TRAPPC6B: variants seen among roughly 807,000 people sequenced by gnomAD.
TRAPPC6B encodes trafficking protein particle complex subunit 6B, also known as TRAPP complex subunit 6B.
A neutral mutation model predicts 24.7 loss-of-function variants in TRAPPC6B; 27 were observed. That is an observed-to-expected ratio of 1.09 (90% confidence interval 0.81 to 1.51). TRAPPC6B has a LOEUF of 1.51. Among genes scored for constraint, TRAPPC6B ranks in the 40% most tolerant of loss-of-function variants. TRAPPC6B has a pLI of 0.00. For missense variants in TRAPPC6B, 212 were observed against 190.8 expected (o/e 1.11, Z -0.66); for synonymous variants, 80 against 66.6 (o/e 1.20, Z -0.98).
chr14:39,149,419 A>G lies in TRAPPC6B; in HGVS notation c.*931T>C, dbSNP rs964231923. ...TGCAAGATTCTAACAAAAGCTGGAG[A>G]TAACTGCTTATGCCAGATAATTTAA... On this transcript the variant is annotated 3_prime_UTR_variant, in exon 6 of 6. Coordinates refer to ENST00000330149, the MANE Select transcript of TRAPPC6B (RefSeq NM_001079537.2). 1 of 152,228 alleles carries G rather than the reference A, an allele frequency of 6.6e-6. No homozygotes were observed. The highest frequency in any genetic ancestry group is 1.5e-5 in the Non-Finnish European group (1 of 68,046). The allele number at this position is 152,228 out of a possible 1,614,324, so 9.4% of individuals were successfully genotyped here.
intron 3 of TRAPPC6B, chr14:39,157,148 C>A: frequency 4.2e-6 from 1 of 239,318 alleles, no homozygotes; most frequent in Non-Finnish European, 8.3e-6. Flanking sequence ...AGTGGTGAAT[C>A]CCCTGTTTGA....
intron 3 of TRAPPC6B, chr14:39,157,533 A>G: frequency 2.4e-6 from 1 of 412,336 alleles, no homozygotes; most frequent in South Asian, 1.8e-5. Flanking sequence ...TGGTGACTGC[A>G]CACTATGTGG....
chr14:39,168,993 T>C (rs755281367), intron 1 of TRAPPC6B, among the ~76,000 whole-genome samples: 1 of 152,214 alleles, frequency 6.6e-6, no homozygotes, highest in Non-Finnish European at 1.5e-5. Context: ...TCAATTCTTC[T>C]CACTCTCTAT....
At chr14:39,165,202 C>A (rs544092625) in intron 1 of TRAPPC6B, among the ~76,000 whole-genome samples, 1 of 152,180 alleles carries the variant, frequency 6.6e-6, no homozygotes, top group Admixed American at 6.5e-5. Context: ...ACCGCCACCA[C>A]GCCCGGCTAA....
chr14:39,170,207 T>G lies in TRAPPC6B; in HGVS notation c.-112A>C. On this transcript the variant is annotated 5_prime_UTR_variant, in exon 1 of 6. The change abolishes an upstream ATG in the 5' untranslated region. Transcript: ENST00000330149. ...GCGCCGCGGCTCCGTCAGGCCGCCA[T>G]TCTATCCCTGTGGCTAAGAGACCGA... 1.0e-6 allele frequency: 1 copy of G among 986,702 alleles called. No homozygotes were observed. The highest frequency in any genetic ancestry group is 2.4e-5 in the East Asian group (1 of 41,324). 61.1% of individuals were successfully genotyped at this position (986,702 alleles called of 1,614,324 possible).
chr14:39,160,908 T>C (rs2053050435), intron 1 of TRAPPC6B, among the ~76,000 whole-genome samples: 1 of 152,160 alleles, frequency 6.6e-6, no homozygotes, highest in Non-Finnish European at 1.5e-5. Flanking sequence ...TAACACGTAG[T>C]AGAATGAGGA....
At chr14:39,166,091 C>T (rs556200042) in intron 1 of TRAPPC6B, among the ~76,000 whole-genome samples, 27 of 151,970 alleles carry the variant, frequency 1.8e-4, no homozygotes, top group African/African-American at 5.5e-4. Flanking sequence ...CCTGAGCCAC[C>T]GTGTCCAGCC....
In TRAPPC6B at chr14:39,148,208, C is replaced by T. The variant is rs1318225825; in HGVS notation, c.*2142G>A. On this transcript the variant is annotated 3_prime_UTR_variant, in exon 6 of 6. Transcript: ENST00000330149. ...CAAACATCCATATCACATATCTTCA[C>T]TGAGAAGCAGAAGAGGGATGCTGGC... The T allele has an allele frequency of 6.5e-6, 1 of 153,734 alleles. No homozygotes were observed. Among genetic ancestry groups the T allele is most frequent in the Non-Finnish European group, 1.4e-5 (1 of 69,162 alleles). The allele number at this position is 153,734 out of a possible 1,614,324, so 9.5% of individuals were successfully genotyped here. A position where few individuals can be genotyped will look rare whatever the true frequency, so the allele number is the denominator to read the frequency against.
chr14:39,170,052 A>G lies in TRAPPC6B; in HGVS notation c.44T>C (p.Val15Ala), dbSNP rs1315525049. The change falls in exon 1 of 6, where the codon GTG becomes GCG. Residue 15 changes from valine to alanine, a missense_variant. Transcript: ENST00000330149. ...ALFLLLHNEM[V>A]SGVYKSAEQG... is the part of the protein sequence containing the mutation. Reference sequence around the variant, plus strand: ...CTCCGCGGACTTGTACACTCCAGACACCATCTCGTTATGGAGAAGCAAAAA... The same window carrying G: ...CTCCGCGGACTTGTACACTCCAGACGCCATCTCGTTATGGAGAAGCAAAAA... The G allele has an allele frequency of 1.2e-6, 2 of 1,613,996 alleles. No individual in the cohort carries two copies. The highest frequency in any genetic ancestry group is 1.3e-5 in the African/African-American group (1 of 74,900).
intron 1 of TRAPPC6B, 127 bp downstream of exon 1, chr14:39,169,888 G>C: frequency 1.2e-6 from 1 of 802,868 alleles, no homozygotes; most frequent in Non-Finnish European, 2.1e-6. Context: ...GACACCTGGA[G>C]GTGGACCATT....
chr14:39,163,035 G>A lies in TRAPPC6B; in HGVS notation c.82-3485C>T, dbSNP rs559682316. ...CCCATTTTAACCATCTTCTTTAAAA[G>A]TGCAACATCATACCCCTTTGGCAAC... On this transcript the variant is annotated intron_variant, in intron 1 of 5. Coordinates refer to ENST00000330149, the MANE Select transcript of TRAPPC6B (RefSeq NM_001079537.2). Among the ~76,000 whole-genome samples, 38 of 150,598 alleles carry A rather than the reference G, an allele frequency of 2.5e-4. 3 individuals are homozygous for A. Among genetic ancestry groups the A allele is most frequent in the African/African-American group, 8.7e-4 (35 of 40,032 alleles).
chr14:39,163,719 T>A lies in TRAPPC6B; in HGVS notation c.82-4169A>T, dbSNP rs184171576. 4.6e-5 allele frequency among the ~76,000 whole-genome samples: 7 copies of A among 151,180 alleles called. No homozygotes were observed. The East Asian group carries it at 7.7e-4, about 17-fold the overall frequency. Reference sequence around the variant, plus strand: ...CTAAGGAAACCATAGGGCTTATTATTTGCTAAACTTTCTTCTAAGGAACCA... The same window carrying A: ...CTAAGGAAACCATAGGGCTTATTATATGCTAAACTTTCTTCTAAGGAACCA... On this transcript the variant is annotated intron_variant, in intron 1 of 5. Transcript: ENST00000330149.
chr14:39,167,883 A>G (rs7145978), intron 1 of TRAPPC6B, among the ~76,000 whole-genome samples: 44,062 of 151,390 alleles, frequency 0.29, 7,524 homozygotes, highest in Non-Finnish European at 0.38. Flanking sequence ...AAAAAAAAAG[A>G]TATTTTAAAA....
chr14:39,148,416 C>T lies in TRAPPC6B; in HGVS notation c.*1934G>A, dbSNP rs1368947490. On this transcript the variant is annotated 3_prime_UTR_variant, in exon 6 of 6. Transcript: ENST00000330149. ...GCTAGGGAAGCACCCTATTCTATAG[C>T]ACAAGGCAGCCATACAGAGTTTTAG... 2 of 344,954 alleles carry T rather than the reference C, an allele frequency of 5.8e-6. No individual in the cohort carries two copies. Among genetic ancestry groups the T allele is most frequent in the Admixed American group, 4.8e-5 (1 of 20,772 alleles). The allele number at this position is 344,954 out of a possible 1,614,324, so 21.4% of individuals were successfully genotyped here.
chr14:39,169,885 G>C lies in TRAPPC6B; in HGVS notation c.81+130C>G, dbSNP rs2053148963. ...ACAGGTTCTAGGGTTTAGGACACCT[G>C]GAGGTGGACCATTTTGTGTACACCT... On this transcript the variant is annotated intron_variant, in intron 1 of 5. Transcript: ENST00000330149. 4 of 779,828 alleles carry C rather than the reference G, an allele frequency of 5.1e-6. No individual in the cohort carries two copies. The Admixed American group carries it at 1.0e-4, about 19-fold the overall frequency. The allele number at this position is 779,828 out of a possible 1,614,324, so 48.3% of individuals were successfully genotyped here. A position where few individuals can be genotyped will look rare whatever the true frequency, so the allele number is the denominator to read the frequency against.
intron 2 of TRAPPC6B, chr14:39,158,927 A>T (rs776895474): frequency 6.6e-6 from 1 of 152,462 alleles, no homozygotes; most frequent in African/African-American, 2.4e-5. Flanking sequence ...TTAGTCTAAC[A>T]TTATAGCCAA....
chr14:39,151,222 C>G (rs1295604774), intron 5 of TRAPPC6B, among the ~76,000 whole-genome samples: 1 of 151,736 alleles, frequency 6.6e-6, no homozygotes, highest in Non-Finnish European at 1.5e-5. Flanking sequence ...AAACCCATCT[C>G]TACTAAAAAT....
chr14:39,159,716 C>A (rs569249030), intron 1 of TRAPPC6B, among the ~76,000 whole-genome samples, 166 bp from the exon 2 acceptor site: 4 of 151,642 alleles, frequency 2.6e-5, no homozygotes, highest in African/African-American at 9.7e-5. Flanking sequence ...ATTTATTTTA[C>A]TTTACTTTTA....
rs962227209 is a variant in TRAPPC6B at position 39,150,064 on chromosome 14, T to C, written c.*286A>G. ...ACCCTGAGCTTTGTTTCTCCATCTA[T>C]GGCTAAATACATATCACTCTAACCA... is the stretch of plus-strand genomic sequence containing the variant. On this transcript the variant is annotated 3_prime_UTR_variant, in exon 6 of 6. Coordinates refer to ENST00000330149, the MANE Select transcript of TRAPPC6B (RefSeq NM_001079537.2). 5 of 253,764 alleles carry C rather than the reference T, an allele frequency of 2.0e-5. No individual in the cohort carries two copies. Among genetic ancestry groups the C allele is most frequent in the Admixed American group, 5.4e-5 (1 of 18,400 alleles). 15.7% of individuals were successfully genotyped at this position (253,764 alleles called of 1,614,324 possible). A position where few individuals can be genotyped will look rare whatever the true frequency, so the allele number is the denominator to read the frequency against.
Sources: allele counts gnomAD v4.1 joint callset (sites outside exome capture counted in the v4.1 genomes callset), GRCh38; gene constraint gnomAD v4.1.1; transcripts MANE v1.5; gene names NCBI Gene and HGNC (gene_info 2026-07-23, HGNC 2026-07-21).